Variants in WDHD1 observed in about 807,000 individuals in gnomAD.
The protein encoded by WDHD1 is WD repeat and HMG-box DNA-binding protein 1.
In WDHD1, 111 loss-of-function variants were observed where a neutral mutation model predicts 135.4. The ratio of observed to expected loss-of-function variants is 0.82; its 90% confidence interval spans 0.70 to 0.96. WDHD1 has a LOEUF of 0.96. WDHD1 is among the 40% of genes least tolerant of loss of function. WDHD1 has a pLI of 0.00. For missense variants in WDHD1, 1,351 were observed against 1,336.3 expected, an observed-to-expected ratio of 1.01 and a Z score of -0.17; for synonymous variants, 434 against 439.0, an observed-to-expected ratio of 0.99 and a Z score of 0.14.
chr14:54,979,511 C>T (rs557853869), intron 16 of WDHD1, among the ~76,000 whole-genome samples: 1 of 152,216 alleles, frequency 6.6e-6, no homozygotes, highest in African/African-American at 2.4e-5. Context: ...CATTTCTTTA[C>T]CTCCCATGCC....
Position 54,984,651 on chromosome 14 carries a change from A to T in WDHD1, c.1906+72T>A. The T allele has an allele frequency of 2.4e-6, 3 of 1,246,832 alleles. No homozygotes were observed. The South Asian group carries it at 6.3e-5, about 26-fold the overall frequency. 77.2% of individuals were successfully genotyped at this position (1,246,832 alleles called of 1,614,324 possible). ...TAAATTAATTAGGAATAAAACAATGAAATAATTTTCTTCTTGAAGAATATC... is the reference window on the plus strand; with the variant it reads ...TAAATTAATTAGGAATAAAACAATGTAATAATTTTCTTCTTGAAGAATATC... On this transcript the variant is annotated intron_variant, in intron 15 of 25. Coordinates refer to ENST00000360586, the MANE Select transcript of WDHD1 (RefSeq NM_007086.4).
At chr14:54,994,744 G>C (rs1037689812) in intron 11 of WDHD1, among the ~76,000 whole-genome samples, 2 of 147,512 alleles carry the variant, frequency 1.4e-5, no homozygotes, top group African/African-American at 5.1e-5. Context: ...CTGGGTGACA[G>C]AGTGAGACTC....
intron 24 of WDHD1, among the ~76,000 whole-genome samples, chr14:54,947,346 C>T (rs552084658): frequency 6.6e-5 from 10 of 151,682 alleles, no homozygotes; most frequent in East Asian, 3.9e-4. Context: ...AAGTGTTAAG[C>T]GGAAAAAAAA....
chr14:54,990,096 T>A (rs1335547318), intron 12 of WDHD1, among the ~76,000 whole-genome samples: 2 of 152,090 alleles, frequency 1.3e-5, no homozygotes, highest in Non-Finnish European at 2.9e-5. Context: ...AATAAAATAT[T>A]GACACTAATA....
At chr14:54,960,999 G>GT (rs1470157499) in intron 21 of WDHD1, among the ~76,000 whole-genome samples, 1 of 152,068 alleles carries the variant, frequency 6.6e-6, no homozygotes, top group Non-Finnish European at 1.5e-5. Context: ...TAGAGATAGG[G>GT]TTTCATTGTT....
Position 54,981,612 on chromosome 14 carries a change from G to GTAT in WDHD1, c.1988_1990dup (p.Asn663dup). ...AGATTTTCCTTTGCAGTGCTCTCTT[G>GTAT]TATTACATATAGGAGTCCACGTATT... On this transcript the variant is annotated inframe_insertion, in exon 16 of 26. Coordinates refer to ENST00000360586, the MANE Select transcript of WDHD1 (RefSeq NM_007086.4). The GTAT allele has an allele frequency of 6.2e-7, 1 of 1,613,122 alleles. No homozygotes were observed.
intron 16 of WDHD1, among the ~76,000 whole-genome samples, chr14:54,971,522 CAAG>C (rs1165142318): frequency 1.3e-5 from 2 of 151,810 alleles, no homozygotes; most frequent in Non-Finnish European, 1.5e-5. Context: ...TATATCTAAC[CAAG>C]GAGGTGAAAG....
intron 16 of WDHD1, among the ~76,000 whole-genome samples, chr14:54,976,197 G>A (rs1049692531): frequency 7.9e-5 from 12 of 152,114 alleles, no homozygotes; most frequent in Non-Finnish European, 1.8e-4. Flanking sequence ...GCAAACAGAG[G>A]CATTAAAAAT....
intron 16 of WDHD1, among the ~76,000 whole-genome samples, chr14:54,974,860 T>C (rs1370962824): frequency 6.6e-6 from 1 of 152,040 alleles, no homozygotes; most frequent in East Asian, 1.9e-4. Context: ...TGGAGAAAAC[T>C]AGGTCGTGTC....
At chr14:55,008,859 G>A (rs1038258336) in intron 4 of WDHD1, 140 bp from the exon 5 acceptor site, 79 of 608,902 alleles carry the variant, frequency 1.3e-4, no homozygotes, top group Non-Finnish European at 2.1e-4. Flanking sequence ...GGAGTGCAGT[G>A]GTGCGATCTC....
At chr14:54,962,395 C>T in intron 21 of WDHD1, 103 bp downstream of exon 21, 3 of 852,306 alleles carry the variant, frequency 3.5e-6, no homozygotes, top group South Asian at 1.4e-5. Context: ...CACACACACA[C>T]CAAAAGTGGC....
chr14:54,987,478 AC>A (rs2041712940), intron 13 of WDHD1, 91 bp from the exon 14 acceptor site: 1 of 1,214,170 alleles, frequency 8.2e-7, no homozygotes, highest in African/African-American at 1.5e-5. Context: ...CAACAAAAAA[AC>A]CAAATAGTTT....
chr14:54,983,443 C>T (rs1229770107), intron 15 of WDHD1, among the ~76,000 whole-genome samples: 4 of 151,732 alleles, frequency 2.6e-5, no homozygotes, highest in East Asian at 2.0e-4. Flanking sequence ...GAGGTCGAGG[C>T]GGGTGGATCA....
chr14:55,007,459 T>C, intron 6 of WDHD1, 84 bp from the exon 7 acceptor site: 1 of 991,806 alleles, frequency 1.0e-6, no homozygotes, highest in South Asian at 1.6e-5. Flanking sequence ...TTAAAGGTTC[T>C]TCAAATCAAT....
In WDHD1 at chr14:54,944,409, G is replaced by C; in HGVS notation, c.3112C>G (p.Pro1038Ala). Reference sequence around the variant, plus strand: ...ATGTCTGCTTCATCTGAAAAGTCAGGATTGTCAGACAAAATATTACTTCTA... The same window carrying C: ...ATGTCTGCTTCATCTGAAAAGTCAGCATTGTCAGACAAAATATTACTTCTA... ...ENRSNILSDN[P>A]DFSDEADIIK... Residue 1038 changes from proline (P) to alanine (A), a missense_variant, in exon 25 of 26, where the codon CCT (proline) becomes GCT (alanine). Around this residue, in one of 2 missense-constraint regions of WDHD1, gnomAD observed 1,330 missense variants for 1,296.1 expected, o/e 1.03. Coordinates refer to ENST00000360586, the MANE Select transcript of WDHD1 (RefSeq NM_007086.4). The C allele has an allele frequency of 6.2e-7, 1 of 1,607,748 alleles. No homozygotes were observed. The highest frequency in any genetic ancestry group is 8.5e-7 in the Non-Finnish European group (1 of 1,178,742).
rs34874701 is a variant in WDHD1, at chr14:54,963,184, AG to A, written c.2311-13del. On this transcript the variant is annotated splice_polypyrimidine_tract_variant and intron_variant, in intron 18 of 25. Coordinates refer to ENST00000360586, the MANE Select transcript of WDHD1 (RefSeq NM_007086.4). ...AGTTTACAAGAAAGCTAATCCAAAA[AG>A]GGGGGGGGGGGGGAGATCAAATAAC... 38,017 of 174,460 alleles carry A rather than the reference AG, an allele frequency of 0.22. 3,538 individuals carry two copies. Among genetic ancestry groups the A allele is most frequent in the African/African-American group, 0.28 (4,421 of 15,954 alleles). The allele number at this position is 174,460 out of a possible 1,614,324, so 10.8% of individuals were successfully genotyped here.
At chr14:55,019,741 C>A (rs140346069) in intron 2 of WDHD1, among the ~76,000 whole-genome samples, 54 of 152,132 alleles carry the variant, frequency 3.5e-4, no homozygotes, top group Non-Finnish European at 5.9e-4. Context: ...TTGCGGAGGG[C>A]ATCTGTGATC....
In WDHD1 at chr14:55,002,200, A is replaced by G. The variant is rs1475766646; in HGVS notation, c.601-15T>C. The G allele has an allele frequency of 1.3e-6, 2 of 1,510,318 alleles. No homozygotes were observed. 93.6% of individuals were successfully genotyped at this position (1,510,318 alleles called of 1,614,324 possible). ...ATTGCCAGTAACTATTAGAAAAGAT[A>G]AACAACGTAAACAAAAGTTTACATT... On this transcript the variant is annotated splice_polypyrimidine_tract_variant and intron_variant, in intron 7 of 25. Coordinates refer to ENST00000360586, the MANE Select transcript of WDHD1 (RefSeq NM_007086.4).
At position 54,981,531 on chromosome 14, in the gene WDHD1, A is replaced by G; in HGVS notation, c.2063+9T>C. ...AAGAGTCAACTTTAGACTTCTTTTA[A>G]TAGCCCACCTTAGTTGCTGGGGATT... On this transcript the variant is annotated intron_variant, in intron 16 of 25. Coordinates refer to ENST00000360586, the MANE Select transcript of WDHD1 (RefSeq NM_007086.4). The G allele has an allele frequency of 6.2e-7, 1 of 1,608,504 alleles. No individual in the cohort carries two copies.
Sources: allele counts gnomAD v4.1 joint callset (sites outside exome capture counted in the v4.1 genomes callset), GRCh38; gene constraint gnomAD v4.1.1; regional missense constraint gnomAD v4.1.1; transcripts MANE v1.5; gene names NCBI Gene and HGNC (gene_info 2026-07-23, HGNC 2026-07-21).